The following PATL2 variants were observed in gnomAD, a reference collection of about 807,000 sequenced individuals.
PATL2 encodes protein PAT1 homolog 2.
PATL2 carries 73 observed loss-of-function variants against 77.0 expected under a neutral mutation model. The ratio of observed to expected loss-of-function variants is 0.95; its 90% CI spans 0.78 to 1.15. PATL2 has a LOEUF of 1.15. Among genes scored for constraint, PATL2 ranks in the 50% most tolerant of loss-of-function variants. The probability of loss-of-function intolerance (pLI) is 0.00; values close to 1 mark genes in which losing one functional copy is unlikely to be tolerated. For missense variants in PATL2, 618 were observed against 655.4 expected, an observed-to-expected ratio of 0.94 and a Z score of 0.62; for synonymous variants, 265 against 257.1, an observed-to-expected ratio of 1.03 and a Z score of -0.29.
At chr15:44,695,809 G>GCTGTTTA (rs1335846252) in intron 3 of PATL2, among the ~76,000 whole-genome samples, 3 of 152,150 alleles carry the variant, frequency 2.0e-5, no homozygotes, top group Non-Finnish European at 4.4e-5. Context: ...ACCATTTTGT[G>GCTGTTTA]CTGTTTATTT....
At chr15:44,675,749 T>C (rs527784558) in intron 4 of PATL2, 58 bp from the exon 5 acceptor site, 1 of 1,424,766 alleles carries the variant, frequency 7.0e-7, no homozygotes, top group East Asian at 2.5e-5. Flanking sequence ...GTGAGTCTTG[T>C]CTAGAGAGGC....
At chr15:44,669,618 C>G (rs2085563223) in intron 11 of PATL2, 55 bp from the exon 12 acceptor site, 1 of 1,533,404 alleles carries the variant, frequency 6.5e-7, no homozygotes, top group Admixed American at 2.0e-5. Context: ...ACAGCCCTAG[C>G]CCAGGCCCCC....
In PATL2 at chr15:44,703,773, T is replaced by C. The variant is rs560802660; in HGVS notation, c.-76+6323A>G. On this transcript the variant is annotated intron_variant, in intron 3 of 17. Coordinates refer to ENST00000682850, the MANE Select transcript of PATL2 (RefSeq NM_001387263.1). ...TTTTTAAATCCATTCAGCCACTCTA[T>C]GTCTTTTGAATGGAGAGTTTAGTCC... 2.8e-3 allele frequency among the ~76,000 whole-genome samples: 396 copies of C among 142,872 alleles called. 2 individuals carry two copies. Among genetic ancestry groups the C allele is most frequent in the Non-Finnish European group, 4.4e-3 (292 of 66,034 alleles). 93.7% of individuals were successfully genotyped at this position (142,872 alleles called of 152,430 possible).
At chr15:44,689,520 AC>A (rs763393832) in intron 3 of PATL2, among the ~76,000 whole-genome samples, 3 of 152,258 alleles carry the variant, frequency 2.0e-5, no homozygotes, top group Admixed American at 1.3e-4. Context: ...ACCATGGAAT[AC>A]TATGCAGCCA....
Position 44,670,166 on chromosome 15 carries a change from G to C in PATL2, c.658-79C>G. The stretch of plus-strand genomic sequence containing the variant: ...TTGAATTTAGAATTAAGTTTCTCAA[G>C]TGCAGCCTCTTAAGTTTAGTTTTTT... On this transcript the variant is annotated intron_variant, in intron 9 of 17. Transcript: ENST00000682850. The C allele has an allele frequency of 2.6e-6, 4 of 1,511,520 alleles. No individual in the cohort carries two copies. In the East Asian group the frequency reaches 9.8e-5, roughly 37 times the overall value. 93.6% of individuals were successfully genotyped at this position (1,511,520 alleles called of 1,614,324 possible). A position where few individuals can be genotyped will look rare whatever the true frequency, so the allele number is the denominator to read the frequency against.
At position 44,666,485 on chromosome 15, in the gene PATL2, A is replaced by G; in HGVS notation, c.1520T>C (p.Leu507Pro). The change falls in exon 17 of 18, where the codon CTG becomes CCG. Residue 507 changes from leucine (L) to proline (P), a missense_variant. Transcript: ENST00000682850. ...WEIAQMPTAS[L>P]AEPLAFPSNL... ...GCTGGGGAAAGCTAGGGGTTCTGCC[A>G]GAGAGGCTGTAGGCATTTGGGCTAT... is the stretch of plus-strand genomic sequence containing the variant. 6.4e-7 allele frequency: 1 copy of G among 1,551,676 alleles called. No homozygotes were observed. Among genetic ancestry groups the G allele is most frequent in the East Asian group, 2.4e-5 (1 of 40,924 alleles).
intron 3 of PATL2, among the ~76,000 whole-genome samples, chr15:44,707,367 T>G (rs561582010): frequency 3.9e-5 from 6 of 152,044 alleles, no homozygotes; most frequent in Non-Finnish European, 7.4e-5. Flanking sequence ...CGTCTCTGAG[T>G]CTCACCCAAA....
chr15:44,674,075 C>T lies in PATL2; in HGVS notation c.303+75G>A, dbSNP rs142807190. 4.0e-5 allele frequency: 56 copies of T among 1,396,466 alleles called. No homozygotes were observed. In the African/African-American group the frequency reaches 6.6e-4, roughly 17 times the overall value. The allele number at this position is 1,396,466 out of a possible 1,614,324, so 86.5% of individuals were successfully genotyped here. On this transcript the variant is annotated intron_variant, in intron 6 of 17. Transcript: ENST00000682850. ...TCACTTTGGGTGCCTTAACTCCAGA[C>T]CAGGGTTGGGGGTAGACTGAACATA...
intron 3 of PATL2, among the ~76,000 whole-genome samples, chr15:44,698,102 T>TA (rs1413943611): frequency 2.0e-5 from 3 of 151,294 alleles, no homozygotes; most frequent in African/African-American, 7.3e-5. Flanking sequence ...ATTTTAATTT[T>TA]ATTTTTAATT....
chr15:44,684,897 T>G (rs1341790425), intron 3 of PATL2, among the ~76,000 whole-genome samples: 1 of 152,188 alleles, frequency 6.6e-6, no homozygotes, highest in African/African-American at 2.4e-5. Context: ...ACAGTGGATC[T>G]CTCTGCAGAA....
chr15:44,698,319 C>T (rs1421743749), intron 3 of PATL2, among the ~76,000 whole-genome samples: 1 of 151,976 alleles, frequency 6.6e-6, no homozygotes, highest in Non-Finnish European at 1.5e-5. Flanking sequence ...CCCTGTTGTG[C>T]TATCAAATAC....
intron 13 of PATL2, 61 bp from the exon 14 acceptor site, chr15:44,669,200 C>A: frequency 6.6e-7 from 1 of 1,523,342 alleles, no homozygotes; most frequent in South Asian, 1.2e-5. Flanking sequence ...CTACATGCCA[C>A]AAAGGAGAGG....
chr15:44,673,445 G>C (rs980985727), intron 6 of PATL2, 68 bp from the exon 7 acceptor site: 11 of 1,526,530 alleles, frequency 7.2e-6, no homozygotes, highest in Non-Finnish European at 9.8e-6. Flanking sequence ...CTTGTTGTGA[G>C]GGCTCAGTTC....
intron 17 of PATL2, 85 bp from the exon 18 acceptor site, chr15:44,666,056 G>T: frequency 1.6e-6 from 2 of 1,258,394 alleles, no homozygotes; most frequent in Non-Finnish European, 2.2e-6. Context: ...ACTCTTTCTA[G>T]CAGTAATTCT....
chr15:44,705,957 C>T (rs1015703365), intron 3 of PATL2, among the ~76,000 whole-genome samples: 24 of 151,972 alleles, frequency 1.6e-4, no homozygotes, highest in African/African-American at 5.3e-4. Flanking sequence ...TATGCCACCA[C>T]GCCCAGCTAT....
intron 16 of PATL2, chr15:44,666,835 T>C (rs2085396164): frequency 1.9e-6 from 1 of 520,166 alleles, no homozygotes; most frequent in African/African-American, 1.9e-5. Context: ...TAAAGTTATA[T>C]TGCTAGTAAG....
At chr15:44,670,927 G>T (rs868808241) in intron 9 of PATL2, among the ~76,000 whole-genome samples, 16 of 152,234 alleles carry the variant, frequency 1.1e-4, no homozygotes, top group Admixed American at 3.9e-4. Context: ...TACTTCTGTG[G>T]ATTTGCTCAG....
At chr15:44,695,631 C>G (rs1052024541) in intron 3 of PATL2, among the ~76,000 whole-genome samples, 1 of 152,154 alleles carries the variant, frequency 6.6e-6, no homozygotes, top group Non-Finnish European at 1.5e-5. Flanking sequence ...CAGAAGTTCC[C>G]TCTCTGTCAC....
At chr15:44,690,410 C>T (rs180788762) in intron 3 of PATL2, among the ~76,000 whole-genome samples, 70 of 151,728 alleles carry the variant, frequency 4.6e-4, no homozygotes, top group African/African-American at 1.6e-3. Context: ...ACAGTCACAG[C>T]TCACTGCAGC....
Sources: allele counts gnomAD v4.1 joint callset (sites outside exome capture counted in the v4.1 genomes callset), GRCh38; gene constraint gnomAD v4.1.1; transcripts MANE v1.5; gene names NCBI Gene and HGNC (gene_info 2026-07-23, HGNC 2026-07-21).